PIAS4: variants seen among roughly 807,000 people sequenced by gnomAD.
PIAS4 encodes the protein E3 SUMO-protein ligase PIAS4.
A neutral mutation model predicts 58.0 loss-of-function variants in PIAS4; 7 were observed. That is an observed-to-expected ratio of 0.12 (90% CI 0.07 to 0.23). PIAS4 has a LOEUF of 0.23. PIAS4 is among the 10% of genes least tolerant of loss of function. The pLI is 1.00. For synonymous variants in PIAS4, 364 were observed against 312.4 expected (o/e 1.17, Z -1.74); for missense variants, 550 against 709.5 (o/e 0.78, Z 2.55).
chr19:4,035,763 C>T (rs2040269126), intron 9 of PIAS4, among the ~76,000 whole-genome samples: 1 of 90,926 alleles, frequency 1.1e-5, no homozygotes. Context: ...CACACACACA[C>T]ACCCACACAC....
In PIAS4 at chr19:4,037,725, G is replaced by A. The variant is rs140558761; in HGVS notation, c.1383G>A (p.Pro461=). ...TGGGCAGCATGGAGAATGGGAAGCC[G>A]GGCGCCGATGTGGTGGACCTCACGC... is the stretch of plus-strand genomic sequence containing the variant. ...GPVGSMENGK[P]GADVVDLTLD... The change falls in exon 11 of 11, where the codon CCG becomes CCA. Residue 461 remains proline (P), a synonymous_variant. Transcript: ENST00000262971. This position sits in a 1 kb window ranked among gnomAD's most constrained non-coding sequence, Gnocchi z 5.8. The A allele has an allele frequency of 2.2e-3, 3,615 of 1,611,264 alleles. 3 individuals carry two copies. The highest frequency in any genetic ancestry group is 6.3e-3 in the Middle Eastern group (38 of 6,058).
intron 3 of PIAS4, 57 bp from the exon 4 acceptor site, chr19:4,028,089 C>A: frequency 6.4e-7 from 1 of 1,556,212 alleles, no homozygotes; most frequent in South Asian, 1.1e-5. Flanking sequence ...GGGCTGGGGT[C>A]ACGCCCTCCT....
intron 1 of PIAS4, among the ~76,000 whole-genome samples, chr19:4,011,708 G>T (rs1220234100): frequency 0.035 from 3,400 of 96,702 alleles, 308 homozygotes; most frequent in African/African-American, 0.16. Flanking sequence ...GGAGGTGTGT[G>T]GGGTGTGGAG....
Position 4,024,019 on chromosome 19 carries a change from C to G in PIAS4, c.455-17C>G, listed in dbSNP as rs778592012. 1.3e-6 allele frequency: 2 copies of G among 1,587,684 alleles called. No homozygotes were observed. Among genetic ancestry groups the G allele is most frequent in the South Asian group, 1.1e-5 (1 of 90,656 alleles). On this transcript the variant is annotated splice_polypyrimidine_tract_variant and intron_variant, in intron 2 of 10. Transcript: ENST00000262971. The stretch of plus-strand genomic sequence containing the variant: ...GCCAGGGACCAGACATGCCCCTGAC[C>G]CCGTGTTTGTCTTCAGTCCCACAGA...
intron 3 of PIAS4, 57 bp from the exon 4 acceptor site, chr19:4,028,089 C>G: frequency 6.4e-7 from 1 of 1,556,224 alleles, no homozygotes; most frequent in East Asian, 2.2e-5. Flanking sequence ...GGGCTGGGGT[C>G]ACGCCCTCCT....
chr19:4,011,395 C>A (rs1157928941), intron 1 of PIAS4, among the ~76,000 whole-genome samples: 1 of 152,254 alleles, frequency 6.6e-6, no homozygotes, highest in Non-Finnish European at 1.5e-5. Context: ...CCTTCCTTCC[C>A]CTTCAGGGTC....
rs752378886 is a variant in PIAS4, at chr19:4,011,658, TGGTGTGGAGGTGTGGGG to T, written c.28-1250_28-1234del. 1.5e-3 allele frequency among the ~76,000 whole-genome samples: 177 copies of T among 114,868 alleles called. 30 individuals carry two copies. Among genetic ancestry groups the T allele is most frequent in the African/African-American group, 6.0e-3 (170 of 28,298 alleles). 75.4% of individuals were successfully genotyped at this position (114,868 alleles called of 152,430 possible). A position where few individuals can be genotyped will look rare whatever the true frequency, so the allele number is the denominator to read the frequency against. On this transcript the variant is annotated intron_variant, in intron 1 of 10. Coordinates refer to ENST00000262971, the MANE Select transcript of PIAS4 (RefSeq NM_015897.4). ...GGTGTGTTTGGTGTGGAGGTGTGTT[TGGTGTGGAGGTGTGGGG>T]GGTGTGGAGGTGTGTGGGGTGTGGA...
intron 9 of PIAS4, among the ~76,000 whole-genome samples, chr19:4,034,439 C>G (rs1387107808): frequency 6.6e-6 from 1 of 152,214 alleles, no homozygotes; most frequent in Non-Finnish European, 1.5e-5. Flanking sequence ...AGTTTACAGA[C>G]GAGGAAACAG....
chr19:4,016,182 G>A (rs969514571), intron 2 of PIAS4, among the ~76,000 whole-genome samples: 1 of 152,228 alleles, frequency 6.6e-6, no homozygotes, highest in Non-Finnish European at 1.5e-5. Flanking sequence ...TGGGGAGTCC[G>A]GCTAGGGAGC....
chr19:4,016,930 C>T (rs1161612259), intron 2 of PIAS4, among the ~76,000 whole-genome samples: 2 of 152,150 alleles, frequency 1.3e-5, no homozygotes, highest in Non-Finnish European at 2.9e-5. Flanking sequence ...CCGAGGGCTT[C>T]AGCGCCCCTG....
At chr19:4,021,725 A>G (rs1464029102) in intron 2 of PIAS4, among the ~76,000 whole-genome samples, 1 of 146,552 alleles carries the variant, frequency 6.8e-6, no homozygotes, top group Non-Finnish European at 1.5e-5. Flanking sequence ...ACCGATATGG[A>G]CCTGCATTTT....
At chr19:4,028,269 C>T in intron 4 of PIAS4, 82 bp downstream of exon 4, 3 of 1,195,224 alleles carry the variant, frequency 2.5e-6, no homozygotes, top group Non-Finnish European at 3.6e-6. Context: ...GGCCCAGGCC[C>T]TTCTCAGTCT....
At chr19:4,027,355 G>A (rs1355827040) in intron 3 of PIAS4, among the ~76,000 whole-genome samples, 1 of 152,186 alleles carries the variant, frequency 6.6e-6, no homozygotes, top group African/African-American at 2.4e-5. Context: ...TGAGGCCTGG[G>A]TCTGAGCCTG....
rs555870202 is a variant in PIAS4, at chr19:4,019,004, C to T, written c.455-5032C>T. Among the ~76,000 whole-genome samples, 5 of 152,116 alleles carry T rather than the reference C, an allele frequency of 3.3e-5. No homozygotes were observed. In the East Asian group the frequency reaches 5.8e-4, roughly 18 times the overall value. ...GGTACTGAGGGTCAGGGGTCTCCTG[C>T]GGAGCCATCCCAGGGGGCGGGCTCT... is the stretch of plus-strand genomic sequence containing the variant. On this transcript the variant is annotated intron_variant, in intron 2 of 10. Coordinates refer to ENST00000262971, the MANE Select transcript of PIAS4 (RefSeq NM_015897.4).
chr19:4,024,239 A>T, intron 3 of PIAS4, 119 bp downstream of exon 3: 1 of 755,034 alleles, frequency 1.3e-6, no homozygotes, highest in South Asian at 1.5e-5. Context: ...TCAGTCCAGA[A>T]CCGTGCTGCA....
chr19:4,028,821 C>T lies in PIAS4; in HGVS notation c.774C>T (p.Ile258=), dbSNP rs1272614581. 1.2e-6 allele frequency: 2 copies of T among 1,613,634 alleles called. No homozygotes were observed. Among genetic ancestry groups the T allele is most frequent in the Non-Finnish European group, 1.7e-6 (2 of 1,179,942 alleles). ...ACCTGTCCTCGGCCACCAACCGCAT[C>T]ACTGTCACCTGGGGGAACTACGGCA... The part of the protein sequence containing the change: ...LMYLSSATNR[I]TVTWGNYGKS... Residue 258 remains isoleucine, a synonymous_variant, in exon 6 of 11, where the codon ATC becomes ATT. Transcript: ENST00000262971.
At chr19:4,010,116 C>T (rs951736783) in intron 1 of PIAS4, among the ~76,000 whole-genome samples, 5 of 152,210 alleles carry the variant, frequency 3.3e-5, no homozygotes, top group African/African-American at 4.8e-5. Context: ...ACAGCTCTGA[C>T]GGCAAGCAGG....
chr19:4,019,623 C>A (rs1474567652), intron 2 of PIAS4, among the ~76,000 whole-genome samples: 1 of 152,198 alleles, frequency 6.6e-6, no homozygotes, highest in Non-Finnish European at 1.5e-5. Flanking sequence ...ACCATTGCTC[C>A]CCTGGCACTC....
chr19:4,015,311 C>T (rs2040040879), intron 2 of PIAS4, among the ~76,000 whole-genome samples: 1 of 152,056 alleles, frequency 6.6e-6, no homozygotes, highest in African/African-American at 2.4e-5. Flanking sequence ...GACCAGCTTC[C>T]TTCCTGCACG....
Sources: allele counts gnomAD v4.1 joint callset (sites outside exome capture counted in the v4.1 genomes callset), GRCh38; gene constraint gnomAD v4.1.1; non-coding constraint Gnocchi (gnomAD v3.1); transcripts MANE v1.5; gene names NCBI Gene and HGNC (gene_info 2026-07-23, HGNC 2026-07-21).